Variants in ZBTB20 observed in about 807,000 individuals in gnomAD.
The protein encoded by ZBTB20 is zinc finger and BTB domain-containing protein 20.
ZBTB20 carries 9 observed loss-of-function variants against 56.9 expected under a neutral mutation model. That is an observed-to-expected ratio of 0.16 (90% CI 0.10 to 0.28). The LOEUF is 0.28. Ranked by LOEUF, ZBTB20 falls within the 10% of genes least tolerant of loss-of-function variation. ZBTB20 has a pLI of 1.00. For missense variants in ZBTB20, 655 were observed against 1,003.0 expected (o/e 0.65, Z 4.69); for synonymous variants, 417 against 420.7 (o/e 0.99, Z 0.11).
In ZBTB20 at chr3:115,017,009, C is replaced by T. The variant is rs1241398170; in HGVS notation, c.-506-42593G>A. On this transcript the variant is annotated intron_variant, in intron 2 of 11. Coordinates refer to ENST00000675478, the MANE Select transcript of ZBTB20 (RefSeq NM_001348800.3). ...GCCCTCTCTCACCACTCCTACTCAA[C>T]ATAGTATTGGAAGTTCTGGCCAGGG... Among the ~76,000 whole-genome samples, 4 of 151,540 alleles carry T rather than the reference C, an allele frequency of 2.6e-5. No homozygotes were observed. The Admixed American group carries it at 2.6e-4, about 10-fold the overall frequency.
chr3:114,533,942 A>C (rs2048153040), intron 6 of ZBTB20, among the ~76,000 whole-genome samples: 1 of 152,220 alleles, frequency 6.6e-6, no homozygotes. Context: ...AAATGCTGAG[A>C]GATTTTGTCA....
At chr3:115,037,064 A>G (rs2080955130) in intron 2 of ZBTB20, among the ~76,000 whole-genome samples, 1 of 152,150 alleles carries the variant, frequency 6.6e-6, no homozygotes, top group Admixed American at 6.5e-5. Flanking sequence ...ATTAAATAAT[A>G]ATATATTTAT....
chr3:114,853,045 T>C (rs1683179100), intron 4 of ZBTB20, among the ~76,000 whole-genome samples: 1 of 152,228 alleles, frequency 6.6e-6, no homozygotes, highest in Admixed American at 6.5e-5. Flanking sequence ...TATTTCCTTA[T>C]TTCTCTTCTC....
intron 6 of ZBTB20, among the ~76,000 whole-genome samples, chr3:114,541,448 A>C (rs1392751478): frequency 1.3e-5 from 2 of 152,164 alleles, no homozygotes; most frequent in Non-Finnish European, 1.5e-5. Context: ...GTGGATACCT[A>C]GTTTTACATA....
intron 3 of ZBTB20, among the ~76,000 whole-genome samples, chr3:114,912,515 G>T (rs1326847049): frequency 6.6e-6 from 1 of 151,708 alleles, no homozygotes; most frequent in East Asian, 1.9e-4. Flanking sequence ...GGGTACATGA[G>T]ATATTTTGAT....
chr3:114,366,974 T>C (rs2082471521), intron 10 of ZBTB20: 2 of 152,254 alleles, frequency 1.3e-5, no homozygotes, highest in Non-Finnish European at 2.9e-5. Context: ...CAGACAACTC[T>C]CATGCCATCA....
intron 3 of ZBTB20, among the ~76,000 whole-genome samples, chr3:114,901,730 G>A (rs999286013): frequency 2.6e-5 from 4 of 151,696 alleles, no homozygotes; most frequent in South Asian, 2.1e-4. Flanking sequence ...TAAATTTTAC[G>A]GAAAAATGCA....
chr3:115,026,921 A>T (rs1047737065), intron 2 of ZBTB20, among the ~76,000 whole-genome samples: 1 of 150,886 alleles, frequency 6.6e-6, no homozygotes, highest in Non-Finnish European at 1.5e-5. Context: ...TAATATAGTT[A>T]TATAAAATAA....
chr3:114,514,957 T>C (rs2045820935), intron 6 of ZBTB20, among the ~76,000 whole-genome samples: 1 of 152,240 alleles, frequency 6.6e-6, no homozygotes, highest in Admixed American at 6.5e-5. Context: ...GTATTTCTTC[T>C]ACTCTTACAT....
At chr3:114,464,687 G>A (rs557532845) in intron 7 of ZBTB20, among the ~76,000 whole-genome samples, 21 of 152,288 alleles carry the variant, frequency 1.4e-4, no homozygotes, top group African/African-American at 4.8e-4. Context: ...AGGAGGTGAA[G>A]GGAGGTTTCC....
chr3:114,592,101 G>C lies in ZBTB20; in HGVS notation c.-294-91710C>G, dbSNP rs143401194. On this transcript the variant is annotated intron_variant, in intron 6 of 11. Coordinates refer to ENST00000675478, the MANE Select transcript of ZBTB20 (RefSeq NM_001348800.3). ...TCTAGATTATCAAGCCAGAATCCAG[G>C]ACCGACCTCAATAGCATGTCACTTC... Among the ~76,000 whole-genome samples, 150 of 152,218 alleles carry C rather than the reference G, an allele frequency of 9.9e-4. 2 individuals carry two copies. In the East Asian group the frequency reaches 0.012, roughly 12 times the overall value.
chr3:114,531,426 A>T (rs1251851672), intron 6 of ZBTB20, among the ~76,000 whole-genome samples: 1 of 152,210 alleles, frequency 6.6e-6, no homozygotes, highest in Admixed American at 6.5e-5. Context: ...TACTACTATG[A>T]ATTTCTTTAC....
intron 1 of ZBTB20, among the ~76,000 whole-genome samples, chr3:115,085,246 TC>T (rs530226229): frequency 1.4e-4 from 21 of 151,974 alleles, no homozygotes; most frequent in South Asian, 6.2e-4. Flanking sequence ...AATTTGGTGC[TC>T]ATGAAATAAA....
chr3:115,037,768 G>GAGGA (rs1157616933), intron 2 of ZBTB20, among the ~76,000 whole-genome samples: 1 of 152,180 alleles, frequency 6.6e-6, no homozygotes, highest in Non-Finnish European at 1.5e-5. Context: ...AATCTAGGGG[G>GAGGA]AGGAATGTGG....
At chr3:114,721,231 C>T (rs1188039296) in intron 5 of ZBTB20, among the ~76,000 whole-genome samples, 1 of 152,050 alleles carries the variant, frequency 6.6e-6, no homozygotes, top group Non-Finnish European at 1.5e-5. Context: ...AAGTAGGACA[C>T]TGGCATGGTC....
intron 6 of ZBTB20, among the ~76,000 whole-genome samples, chr3:114,607,138 C>T (rs1041366197): frequency 1.3e-5 from 2 of 151,682 alleles, no homozygotes; most frequent in Non-Finnish European, 2.9e-5. Flanking sequence ...ATTCTTTTGC[C>T]CCAACATTTA....
In ZBTB20 at chr3:114,325,293, G is replaced by A. The variant is rs554926887; in HGVS notation, c.*13712C>T. ...AATCTACAGCTGGTTCCAAATTAAA[G>A]TTTGTCCCAAGGAGAGCAAGAGCAG... On this transcript the variant is annotated 3_prime_UTR_variant, in exon 12 of 12. Transcript: ENST00000675478. The A allele has an allele frequency of 6.6e-6, 1 of 152,124 alleles. No individual in the cohort carries two copies. The highest frequency in any genetic ancestry group is 1.5e-5 in the Non-Finnish European group (1 of 68,022). 9.4% of individuals were successfully genotyped at this position (152,124 alleles called of 1,614,324 possible).
intron 7 of ZBTB20, among the ~76,000 whole-genome samples, chr3:114,464,665 C>G (rs1270744483): frequency 6.6e-6 from 1 of 152,100 alleles, no homozygotes; most frequent in Non-Finnish European, 1.5e-5. Context: ...AATGTCTGCT[C>G]AATTCTGGTC....
At chr3:114,699,132 T>C (rs1351201106) in intron 5 of ZBTB20, among the ~76,000 whole-genome samples, 1 of 152,168 alleles carries the variant, frequency 6.6e-6, no homozygotes, top group Non-Finnish European at 1.5e-5. Flanking sequence ...ACAAAAATTA[T>C]AATACTGATA....
Sources: gnomAD v4.1 joint callset for allele counts (sites outside exome capture counted in the v4.1 genomes callset) on GRCh38, gnomAD v4.1.1 for gene constraint, MANE v1.5 for transcripts, NCBI Gene and HGNC (gene_info 2026-07-23, HGNC 2026-07-21) for gene names.